Variants in PPP1R21 observed in about 807,000 individuals in gnomAD.
The protein encoded by PPP1R21 is protein phosphatase 1 regulatory subunit 21.
In PPP1R21, 85 loss-of-function variants were observed where a neutral mutation model predicts 112.8. The observed-to-expected ratio is 0.75, with a 90% CI of 0.63 to 0.90. The LOEUF (loss-of-function observed/expected upper bound fraction) is 0.90. Ranked by LOEUF, PPP1R21 falls within the 40% of genes least tolerant of loss-of-function variation. The pLI, the probability that PPP1R21 is intolerant of heterozygous loss-of-function variation, is 0.00. For synonymous variants in PPP1R21, 381 were observed against 322.3 expected (o/e 1.18, Z -1.95); for missense variants, 1,199 against 901.5 (o/e 1.33, Z -4.23).
Position 48,514,732 on chromosome 2 carries a change from C to G in PPP1R21, c.2331C>G (p.Asn777Lys). 6.2e-7 allele frequency: 1 copy of G among 1,610,510 alleles called. No homozygotes were observed. Among genetic ancestry groups the G allele is most frequent in the Non-Finnish European group, 8.5e-7 (1 of 1,178,010 alleles). The change falls in exon 22 of 22, where the codon AAC becomes AAG. Residue 777 changes from asparagine to lysine, a missense_variant. Transcript: ENST00000294952. ...KMSSKGNSKK[N>K]KSR ...TTGCACAGGGGAATTCTAAAAAGAA[C>G]AAGAGTCGATAGTTTTGAAATAGCT...
chr2:48,456,162 C>T (rs1205908243), intron 3 of PPP1R21, among the ~76,000 whole-genome samples: 2 of 150,956 alleles, frequency 1.3e-5, no homozygotes, highest in African/African-American at 2.4e-5. Context: ...GTTTTTTTGC[C>T]TTATGGTTTT....
At chr2:48,502,970 G>A (rs1167085827) in intron 17 of PPP1R21, among the ~76,000 whole-genome samples, 3 of 151,974 alleles carry the variant, frequency 2.0e-5, no homozygotes, top group African/African-American at 2.4e-5. Flanking sequence ...GTGAGCTGCC[G>A]CGCCCAGCCT....
rs753789059 is a variant in PPP1R21, at chr2:48,511,321, C to G, written c.2185-19C>G. The G allele has an allele frequency of 6.2e-7, 1 of 1,601,228 alleles. No individual in the cohort carries two copies. Among genetic ancestry groups the G allele is most frequent in the East Asian group, 2.2e-5 (1 of 44,746 alleles). ...CGACTCGTGGGATGTTGATTTTTGT[C>G]TTTTTCTTTGCTATTTAGGATGAGC... On this transcript the variant is annotated intron_variant, in intron 20 of 21. Transcript: ENST00000294952.
intron 16 of PPP1R21, among the ~76,000 whole-genome samples, chr2:48,496,660 G>C (rs189316307): frequency 1.3e-5 from 2 of 152,312 alleles, no homozygotes; most frequent in East Asian, 3.9e-4. Flanking sequence ...TATAGACAGG[G>C]TTTCGCCACA....
chr2:48,478,410 G>A (rs1296844436), intron 12 of PPP1R21, among the ~76,000 whole-genome samples: 2 of 152,188 alleles, frequency 1.3e-5, no homozygotes, highest in African/African-American at 4.8e-5. Context: ...TTTGTGCCAT[G>A]ATGTTGCTTC....
chr2:48,480,345 C>T (rs1015502740), intron 13 of PPP1R21, among the ~76,000 whole-genome samples: 9 of 152,286 alleles, frequency 5.9e-5, no homozygotes, highest in African/African-American at 1.4e-4. Flanking sequence ...AAATACGTTG[C>T]GCTTCTTAGA....
In PPP1R21 at chr2:48,474,744, C is replaced by G. The variant is rs575957979; in HGVS notation, c.1150C>G (p.Leu384Val). ...TGCGTTAAGAGCCAGGAATCTAGAG[C>G]TGTCCCAGGACATGAAAAAAATGAC... ...TSALRARNLELSQDMKKMTAV... is the reference protein window; with the variant it reads ...TSALRARNLEVSQDMKKMTAV... Residue 384 changes from leucine (L) to valine (V), a missense_variant, in exon 12 of 22, where the codon CTG becomes GTG. Transcript: ENST00000294952. The G allele has an allele frequency of 4.4e-4, 704 of 1,613,142 alleles. 10 individuals are homozygous for G. In the South Asian group the frequency reaches 7.1e-3, roughly 16 times the overall value.
Position 48,471,302 on chromosome 2 carries a change from T to G in PPP1R21, c.1023T>G (p.Thr341=). ...AGGAGACAACTGTGAAATTGAAAAC[T>G]TTTTCAGAACACTTAACCTCCTACA... ...TVLETTVKLK[T]FSEHLTSYIC... The change falls in exon 11 of 22, where the codon ACT becomes ACG. Residue 341 remains threonine (T), a synonymous_variant. Coordinates refer to ENST00000294952, the MANE Select transcript of PPP1R21 (RefSeq NM_001135629.3). The G allele has an allele frequency of 6.2e-7, 1 of 1,611,852 alleles. No individual in the cohort carries two copies. Among genetic ancestry groups the G allele is most frequent in the South Asian group, 1.1e-5 (1 of 90,508 alleles).
chr2:48,466,676 A>G (rs912057026), intron 9 of PPP1R21, among the ~76,000 whole-genome samples: 7 of 152,130 alleles, frequency 4.6e-5, no homozygotes, highest in African/African-American at 1.7e-4. Flanking sequence ...AAAATTAGCA[A>G]GGTTTAAATA....
chr2:48,506,016 A>C (rs1232818315), intron 18 of PPP1R21, among the ~76,000 whole-genome samples: 2 of 152,344 alleles, frequency 1.3e-5, no homozygotes, highest in African/African-American at 4.8e-5. Flanking sequence ...TTGCCCACAA[A>C]GCAAGTGAAC....
At chr2:48,504,133 ATGAT>A (rs897456562) in intron 17 of PPP1R21, among the ~76,000 whole-genome samples, 3 of 152,148 alleles carry the variant, frequency 2.0e-5, no homozygotes, top group African/African-American at 7.2e-5. Context: ...GTAAAATTAA[ATGAT>A]TGGAGTATTA....
intron 2 of PPP1R21, 58 bp from the exon 3 acceptor site, chr2:48,454,537 A>G: frequency 2.5e-6 from 4 of 1,588,548 alleles, no homozygotes; most frequent in Non-Finnish European, 3.4e-6. Context: ...ATTTTTAATA[A>G]AATTTCTAAA....
chr2:48,493,147 A>G (rs1156827775), intron 15 of PPP1R21, among the ~76,000 whole-genome samples: 2 of 151,110 alleles, frequency 1.3e-5, no homozygotes, highest in Non-Finnish European at 2.9e-5. Flanking sequence ...CTGGGACTAC[A>G]GGTGCCCGCC....
intron 1 of PPP1R21, among the ~76,000 whole-genome samples, chr2:48,441,856 T>C (rs1043962675): frequency 2.0e-5 from 3 of 152,258 alleles, no homozygotes; most frequent in African/African-American, 7.2e-5. Context: ...TTTCAGTGAC[T>C]TTGGCATTCA....
In PPP1R21 at chr2:48,471,362, A is replaced by G; in HGVS notation, c.1083A>G (p.Leu361=). Residue 361 remains leucine, a synonymous_variant, in exon 11 of 22, where the codon TTA becomes TTG. Coordinates refer to ENST00000294952, the MANE Select transcript of PPP1R21 (RefSeq NM_001135629.3). ...TTAGGAAGATTCTTCCCTATCAGTTAAAAAGGTAGTTACCCCCGGAGGCCA... is the reference window on the plus strand; with the variant it reads ...TTAGGAAGATTCTTCCCTATCAGTTGAAAAGGTAGTTACCCCCGGAGGCCA... ...CFLRKILPYQ[L]KSLEEECESS... is the part of the protein sequence containing the mutation. The G allele has an allele frequency of 6.2e-7, 1 of 1,606,382 alleles. No individual in the cohort carries two copies. Among genetic ancestry groups the G allele is most frequent in the Non-Finnish European group, 8.5e-7 (1 of 1,177,630 alleles).
intron 11 of PPP1R21, among the ~76,000 whole-genome samples, chr2:48,472,043 C>T (rs1352725977): frequency 6.6e-6 from 1 of 151,352 alleles, no homozygotes; most frequent in African/African-American, 2.4e-5. Flanking sequence ...AGTTCGAGAC[C>T]AGCCTGGCCA....
intron 1 of PPP1R21, among the ~76,000 whole-genome samples, chr2:48,446,204 T>C (rs1209026567): frequency 6.6e-6 from 1 of 152,234 alleles, no homozygotes; most frequent in Non-Finnish European, 1.5e-5. Context: ...TCATCTCACT[T>C]TCCCCAAAAA....
At chr2:48,507,505 C>A in intron 19 of PPP1R21, 120 bp downstream of exon 19, 4 of 1,456,770 alleles carry the variant, frequency 2.7e-6, no homozygotes, top group Middle Eastern at 3.6e-4. Flanking sequence ...GTAGCTGGGA[C>A]TATGGGTGTG....
chr2:48,461,284 G>C (rs371150823), intron 7 of PPP1R21, 52 bp downstream of exon 7: 3 of 1,469,598 alleles, frequency 2.0e-6, no homozygotes, highest in Non-Finnish European at 1.8e-6. Flanking sequence ...TCTCTCTGTG[G>C]TAGCCAACTA....
Sources: gnomAD v4.1 joint callset for allele counts (sites outside exome capture counted in the v4.1 genomes callset) on GRCh38, gnomAD v4.1.1 for gene constraint, MANE v1.5 for transcripts, NCBI Gene and HGNC (gene_info 2026-07-23, HGNC 2026-07-21) for gene names.